PLEKHD1: variants seen among roughly 807,000 people sequenced by gnomAD.
PLEKHD1 encodes the protein pleckstrin homology and coiled-coil domain containing D1.
A neutral mutation model predicts 69.2 loss-of-function variants in PLEKHD1; 51 were observed. The observed-to-expected ratio is 0.74, with a 90% CI of 0.59 to 0.93. The LOEUF (loss-of-function observed/expected upper bound fraction) is 0.93. PLEKHD1 is among the 40% of genes least tolerant of loss of function. PLEKHD1 has a pLI of 0.00. For missense variants in PLEKHD1, 584 were observed against 641.0 expected, an observed-to-expected ratio of 0.91 and a Z score of 0.96; for synonymous variants, 236 against 244.7, an observed-to-expected ratio of 0.96 and a Z score of 0.33.
the PLEKHD1 span, among the ~76,000 whole-genome samples, chr14:69,472,999 A>G: frequency 1.3e-5 from 2 of 152,196 alleles, no homozygotes; most frequent in African/African-American, 4.8e-5. Flanking sequence ...TGAGAATCTA[A>G]TGCCTGATGA....
chr14:69,485,936 TG>T (rs749829981), intron 1 of PLEKHD1, among the ~76,000 whole-genome samples: 35 of 152,314 alleles, frequency 2.3e-4, no homozygotes, highest in Non-Finnish European at 4.7e-4. Flanking sequence ...CAAATTAGCC[TG>T]GGAGGTATTG....
At chr14:69,480,593 G>T (rs544741221), upstream of PLEKHD1, among the ~76,000 whole-genome samples, 1 of 152,130 alleles carries the variant, frequency 6.6e-6, no homozygotes, top group Non-Finnish European at 1.5e-5. Context: ...TTTCTATTAG[G>T]CAATGTTTCC....
At chr14:69,496,699 CT>C (rs981745636) in intron 1 of PLEKHD1, among the ~76,000 whole-genome samples, 5 of 120,508 alleles carry the variant, frequency 4.1e-5, no homozygotes, top group Non-Finnish European at 8.3e-5. Context: ...CCATGCCCAG[CT>C]AATTTTTTTT....
intron 6 of PLEKHD1, among the ~76,000 whole-genome samples, chr14:69,508,471 A>G (rs910592692): frequency 2.0e-5 from 3 of 152,002 alleles, no homozygotes; most frequent in Non-Finnish European, 1.5e-5. Flanking sequence ...ATCCAGGCTG[A>G]GTGCAGTGGC....
intron 3 of PLEKHD1, 82 bp from the exon 4 acceptor site, chr14:69,500,789 T>A: frequency 2.0e-6 from 3 of 1,527,848 alleles, no homozygotes; most frequent in Non-Finnish European, 2.7e-6. Context: ...GGATGTGGGG[T>A]GGGTGACAGG....
intron 1 of PLEKHD1, among the ~76,000 whole-genome samples, chr14:69,494,810 T>A (rs1882851870): frequency 6.6e-6 from 1 of 152,208 alleles, no homozygotes; most frequent in Non-Finnish European, 1.5e-5. Context: ...AGCCCCTGCC[T>A]GTTGAGAAGA....
intron 6 of PLEKHD1, among the ~76,000 whole-genome samples, chr14:69,504,406 C>T (rs967717916): frequency 2.0e-5 from 3 of 152,138 alleles, no homozygotes; most frequent in Non-Finnish European, 4.4e-5. Context: ...TTAGGAAGTC[C>T]TCAGTTTTCC....
chr14:69,481,272 A>C (rs1222306354), upstream of PLEKHD1, among the ~76,000 whole-genome samples: 4 of 152,270 alleles, frequency 2.6e-5, no homozygotes, highest in East Asian at 5.8e-4. Flanking sequence ...GCAGTGAGCT[A>C]TGATCACGCC....
chr14:69,522,438 C>T, intron 7 of PLEKHD1, 61 bp downstream of exon 7: 1 of 1,514,306 alleles, frequency 6.6e-7, no homozygotes, highest in Non-Finnish European at 9.0e-7. Flanking sequence ...AGCCCACCTT[C>T]CCCGTCAGAT....
intron 1 of PLEKHD1, among the ~76,000 whole-genome samples, chr14:69,495,684 C>G (rs1882873774): frequency 6.6e-6 from 1 of 152,236 alleles, no homozygotes; most frequent in African/African-American, 2.4e-5. Context: ...CCTTGCAGTT[C>G]CCTCGAGAGC....
chr14:69,502,142 G>A (rs970959908), intron 5 of PLEKHD1: 3 of 224,108 alleles, frequency 1.3e-5, no homozygotes, highest in African/African-American at 6.8e-5. Flanking sequence ...TTAAAATCGA[G>A]TTAAAAATAG....
chr14:69,510,006 A>G (rs1021661498), intron 6 of PLEKHD1, among the ~76,000 whole-genome samples: 16 of 150,946 alleles, frequency 1.1e-4, no homozygotes, highest in African/African-American at 3.9e-4. Context: ...AGTTGAATTG[A>G]CTATATTTAT....
In PLEKHD1 at chr14:69,504,365, C is replaced by T. The variant is rs114941956; in HGVS notation, c.555+1486C>T. Among the ~76,000 whole-genome samples, 748 of 152,298 alleles carry T rather than the reference C, an allele frequency of 4.9e-3. 11 individuals carry two copies. The highest frequency in any genetic ancestry group is 0.017 in the African/African-American group (725 of 41,552). ...AGGCAAGTCACAGGGCAGGGGCTAT[C>T]AGCCTTGGCTCAGAACCTCTAACTT... On this transcript the variant is annotated intron_variant, in intron 6 of 12. Coordinates refer to ENST00000322564, the MANE Select transcript of PLEKHD1 (RefSeq NM_001161498.2).
intron 6 of PLEKHD1, among the ~76,000 whole-genome samples, chr14:69,508,290 C>T (rs2139513538): frequency 6.6e-6 from 1 of 151,862 alleles, no homozygotes; most frequent in African/African-American, 2.4e-5. Flanking sequence ...CCTATAATCC[C>T]AGCTACTTGG....
chr14:69,528,119 G>T, intron 12 of PLEKHD1, 131 bp from the exon 13 acceptor site: 1 of 1,403,766 alleles, frequency 7.1e-7, no homozygotes. Context: ...GGAAGCCCGT[G>T]TGTGTGGGAA....
rs1333703926 is a variant in PLEKHD1, at chr14:69,498,607, T to TCTTCTCTTCC, written c.150-1499_150-1498insCCTTCTCTTC. Among the ~76,000 whole-genome samples the TCTTCTCTTCC allele has an allele frequency of 2.2e-3, 274 of 122,908 alleles. 4 individuals carry two copies. Among genetic ancestry groups the TCTTCTCTTCC allele is most frequent in the African/African-American group, 6.3e-3 (207 of 32,716 alleles). The allele number at this position is 122,908 out of a possible 152,430, so 80.6% of individuals were successfully genotyped here. A position where few individuals can be genotyped will look rare whatever the true frequency, so the allele number is the denominator to read the frequency against. ...TTTTGTTTTCTCTTCTCTTCTCTTC[T>TCTTCTCTTCC]CTTCTCTTCTCTTCTCTTCTCTTCT... On this transcript the variant is annotated intron_variant, in intron 1 of 12. Coordinates refer to ENST00000322564, the MANE Select transcript of PLEKHD1 (RefSeq NM_001161498.2).
intron 6 of PLEKHD1, among the ~76,000 whole-genome samples, chr14:69,504,162 T>C (rs1883099951): frequency 6.6e-6 from 1 of 152,258 alleles, no homozygotes; most frequent in South Asian, 2.1e-4. Flanking sequence ...ACATAGTACA[T>C]GCTTAACGAA....
At chr14:69,472,075 G>C in the PLEKHD1 span, among the ~76,000 whole-genome samples, 1 of 152,042 alleles carries the variant, frequency 6.6e-6, no homozygotes, top group Non-Finnish European at 1.5e-5. Context: ...GACCCGTGCT[G>C]AGTCAGAACC....
Position 69,484,937 on chromosome 14 carries a change from C to A in PLEKHD1, c.-29C>A, listed in dbSNP as rs1237799545. 6.5e-7 allele frequency: 1 copy of A among 1,545,656 alleles called. No individual in the cohort carries two copies. The highest frequency in any genetic ancestry group is 8.7e-7 in the Non-Finnish European group (1 of 1,143,246). On this transcript the variant is annotated 5_prime_UTR_variant, in exon 1 of 13. Coordinates refer to ENST00000322564, the MANE Select transcript of PLEKHD1 (RefSeq NM_001161498.2). ...CTGCTGACCCCGGGGAGGTGGGGTC[C>A]GGGCCGGGCACAGCCCCGCTGAGGC...
Sources: allele counts gnomAD v4.1 joint callset (sites outside exome capture counted in the v4.1 genomes callset), GRCh38; gene constraint gnomAD v4.1.1; transcripts MANE v1.5; gene names NCBI Gene and HGNC (gene_info 2026-07-23, HGNC 2026-07-21).